The following ITGA3 variants were observed in gnomAD, a reference collection of about 807,000 sequenced individuals.
ITGA3 encodes integrin alpha-3.
In ITGA3, 70 loss-of-function variants were observed where a neutral mutation model predicts 131.1. That is an observed-to-expected ratio of 0.53 (90% confidence interval 0.44 to 0.65). The LOEUF (loss-of-function observed/expected upper bound fraction) is 0.65, where lower values mean the gene tolerates loss of function less well. ITGA3 is among the 30% of genes least tolerant of loss of function. ITGA3 has a pLI of 0.00. For missense variants in ITGA3, 1,098 were observed against 1,388.6 expected (o/e 0.79, Z 3.33); for synonymous variants, 537 against 571.6 (o/e 0.94, Z 0.86).
At chr17:50,069,688 A>T (rs535767755) in intron 4 of ITGA3, among the ~76,000 whole-genome samples, 1 of 151,184 alleles carries the variant, frequency 6.6e-6, no homozygotes. Context: ...AAATATCGCT[A>T]CTTTCTCTCT....
In ITGA3 at chr17:50,081,349, G is replaced by A. The variant is rs1356304232; in HGVS notation, c.2860G>A (p.Ala954Thr). ...TGACCGAGTCCGGGTAAATGGCTGG[G>A]CTACCCTATTCCTCCGAACCAGCAT... The part of the protein sequence containing the change: ...DFDRVRVNGW[A>T]TLFLRTSIPT... The change falls in exon 23 of 26, where the codon GCT becomes ACT. Residue 954 changes from alanine (A) to threonine (T), a missense_variant. By Grantham distance (58) the Ala-to-Thr change is moderately conservative. This residue lies in a region of ITGA3 where 699 missense variants were observed against 829.2 expected (regional missense o/e 0.84). Coordinates refer to ENST00000320031, the MANE Select transcript of ITGA3 (RefSeq NM_002204.4). 5 of 1,593,488 alleles carry A rather than the reference G, an allele frequency of 3.1e-6. No individual in the cohort carries two copies. The highest frequency in any genetic ancestry group is 3.5e-5 in the Admixed American group (2 of 57,464).
rs749885369 is a variant in ITGA3 at position 50,064,095 on chromosome 17, C to T, written c.225C>T (p.Pro75=). ...TCCCCAGGCTCCTGGCTGGTGCCCC[C>T]CGGGAGCTCGCTGTGCCCGATGGCT... ...QQRYLLLAGA[P]RELAVPDGYT... Residue 75 remains proline, a synonymous_variant, in exon 2 of 26, where the codon CCC becomes CCT. Transcript: ENST00000320031. The surrounding 1 kb of genome is among the most constrained non-coding windows in gnomAD (Gnocchi z 4.4). 31 of 1,612,670 alleles carry T rather than the reference C, an allele frequency of 1.9e-5. No individual in the cohort carries two copies. In the East Asian group the frequency reaches 4.7e-4, roughly 24 times the overall value.
At chr17:50,070,809 T>C (rs1262270182) in intron 4 of ITGA3, 35 bp from the exon 5 acceptor site, 3 of 1,433,024 alleles carry the variant, frequency 2.1e-6, no homozygotes, top group Non-Finnish European at 3.0e-6. Context: ...TGGTGACTTA[T>C]ACTCCCTACT....
chr17:50,069,928 G>A (rs574179415), intron 4 of ITGA3, among the ~76,000 whole-genome samples: 1 of 152,262 alleles, frequency 6.6e-6, no homozygotes, highest in African/African-American at 2.4e-5. Context: ...CTTTATTGTT[G>A]TAGAATCAGC....
At chr17:50,081,863 G>A (rs948832982) in intron 23 of ITGA3, among the ~76,000 whole-genome samples, 3 of 152,100 alleles carry the variant, frequency 2.0e-5, no homozygotes, top group African/African-American at 7.2e-5. Flanking sequence ...TGAGCTTCCC[G>A]CCACGGGCAA....
Position 50,064,517 on chromosome 17 carries a change from G to C in ITGA3, c.335-11G>C, listed in dbSNP as rs190709337. 1.2e-6 allele frequency: 2 copies of C among 1,608,474 alleles called. No homozygotes were observed. The highest frequency in any genetic ancestry group is 4.5e-5 in the East Asian group (2 of 44,768). ...AGGTGCTCTGATTCATGATCCTTCC[G>C]GTGCCCACAGATGACCCTGGCCATC... On this transcript the variant is annotated splice_polypyrimidine_tract_variant and intron_variant, in intron 2 of 25. Coordinates refer to ENST00000320031, the MANE Select transcript of ITGA3 (RefSeq NM_002204.4). This position sits in a 1 kb window ranked among gnomAD's most constrained non-coding sequence, Gnocchi z 4.4.
rs1350587381 is a variant in ITGA3, at chr17:50,076,953, G to A, written c.1923-21G>A. On this transcript the variant is annotated intron_variant, in intron 14 of 25. Coordinates refer to ENST00000320031, the MANE Select transcript of ITGA3 (RefSeq NM_002204.4). Reference sequence around the variant, plus strand: ...CCCTGGGGGCGGGGCTCTTGGCTGAGTCCTGGGCTCCTGCTCTCAGGCTCC... The same window carrying A: ...CCCTGGGGGCGGGGCTCTTGGCTGAATCCTGGGCTCCTGCTCTCAGGCTCC... 4 of 1,596,252 alleles carry A rather than the reference G, an allele frequency of 2.5e-6. No individual in the cohort carries two copies. In the South Asian group the frequency reaches 3.4e-5, roughly 13 times the overall value.
At chr17:50,080,465 T>TGG (rs974091606) in intron 22 of ITGA3, 90 bp downstream of exon 22, 8 of 45,526 alleles carry the variant, frequency 1.8e-4, no homozygotes, top group African/African-American at 9.8e-4. Flanking sequence ...ATAGCATGGG[T>TGG]GTGTGTGTGT....
At position 50,063,973 on chromosome 17, in the gene ITGA3, T is replaced by G. The variant is rs140180116; in HGVS notation, c.207-104T>G. ...TTCTGGAGGGCAGGAGCTGGGGGTC[T>G]CCTGGCACCAAGAATCTGTAAATGT... On this transcript the variant is annotated intron_variant, in intron 1 of 25. Coordinates refer to ENST00000320031, the MANE Select transcript of ITGA3 (RefSeq NM_002204.4). The G allele has an allele frequency of 4.1e-4, 603 of 1,474,260 alleles. 1 individual carries two copies. The highest frequency in any genetic ancestry group is 9.7e-4 in the Middle Eastern group (5 of 5,180). 91.3% of individuals were successfully genotyped at this position (1,474,260 alleles called of 1,614,324 possible). A position where few individuals can be genotyped will look rare whatever the true frequency, so the allele number is the denominator to read the frequency against.
chr17:50,066,561 G>T (rs1056218640), intron 3 of ITGA3, among the ~76,000 whole-genome samples: 2 of 152,124 alleles, frequency 1.3e-5, no homozygotes, highest in African/African-American at 4.8e-5. Flanking sequence ...GATCGTTTGA[G>T]CCTAGGAGTT....
intron 18 of ITGA3, 95 bp from the exon 19 acceptor site, chr17:50,078,729 G>A (rs1038246096): frequency 8.4e-6 from 6 of 716,342 alleles, no homozygotes; most frequent in African/African-American, 1.8e-5. Flanking sequence ...ACTGATGTCA[G>A]AGGGGCTATA....
intron 4 of ITGA3, 130 bp from the exon 5 acceptor site, chr17:50,070,714 T>C: frequency 2.4e-6 from 1 of 422,026 alleles, no homozygotes. Context: ...AATGGCAAAA[T>C]GCTCACCAAT....
At chr17:50,073,396 G>T (rs780539342) in intron 7 of ITGA3, among the ~76,000 whole-genome samples, 2 of 152,038 alleles carry the variant, frequency 1.3e-5, no homozygotes, top group Admixed American at 6.6e-5. Flanking sequence ...TCTATAAAGT[G>T]GGGGGATAAT....
intron 10 of ITGA3, 76 bp downstream of exon 10, chr17:50,074,610 C>A: frequency 1.0e-6 from 1 of 988,716 alleles, no homozygotes. Context: ...CAAACCCCTC[C>A]CCTGGCCTCC....
rs1471385733 is a variant in ITGA3, at chr17:50,074,020, G to A, written c.1245+16G>A. 1 of 1,595,256 alleles carries A rather than the reference G, an allele frequency of 6.3e-7. No individual in the cohort carries two copies. Among genetic ancestry groups the A allele is most frequent in the Non-Finnish European group, 8.6e-7 (1 of 1,162,966 alleles). On this transcript the variant is annotated intron_variant, in intron 8 of 25. Transcript: ENST00000320031. ...GCCCCAGCAGGTACAGAGAGACGGG[G>A]ATGGGTCTGCTGCCCCCACCAGCCG...
chr17:50,080,435 G>C (rs1032277988), intron 22 of ITGA3, 60 bp downstream of exon 22: 42 of 951,128 alleles, frequency 4.4e-5, no homozygotes, highest in Non-Finnish European at 6.7e-5. Flanking sequence ...GAACAACAGG[G>C]AGAGGGCGAG....
chr17:50,080,236 C>A, intron 21 of ITGA3, 26 bp from the exon 22 acceptor site: 1 of 1,347,730 alleles, frequency 7.4e-7, no homozygotes, highest in Non-Finnish European at 1.1e-6. Context: ...GACTATGTCA[C>A]GTCTTGCGTT....
rs1380901825 is a variant in ITGA3 at position 50,077,118 on chromosome 17, C to T, written c.2067C>T (p.Arg689=). 1 of 1,545,818 alleles carries T rather than the reference C, an allele frequency of 6.5e-7. No individual in the cohort carries two copies. Among genetic ancestry groups the T allele is most frequent in the Non-Finnish European group, 8.8e-7 (1 of 1,140,486 alleles). ...VPPALLLSSV[R]PPGACQANET... Reference sequence around the variant, plus strand: ...CCGCCCTGCTGCTGTCCTCAGTGCGCCCCGTGAGTGCCCGCCGGCCGGCTC... The same window carrying T: ...CCGCCCTGCTGCTGTCCTCAGTGCGTCCCGTGAGTGCCCGCCGGCCGGCTC... The change falls in exon 15 of 26, where the codon CGC becomes CGT. Residue 689 remains arginine, a synonymous_variant. Coordinates refer to ENST00000320031, the MANE Select transcript of ITGA3 (RefSeq NM_002204.4).
At position 50,056,605 on chromosome 17, in the gene ITGA3, G is replaced by A; in HGVS notation, c.166G>A (p.Val56Ile). 6.3e-7 allele frequency: 1 copy of A among 1,599,990 alleles called. No individual in the cohort carries two copies. The highest frequency in any genetic ancestry group is 8.5e-7 in the Non-Finnish European group (1 of 1,174,258). Residue 56 changes from valine to isoleucine, a missense_variant, in exon 1 of 26, where the codon GTC becomes ATC. This residue lies in a region of ITGA3 where 356 missense variants were observed against 529.2 expected (regional missense o/e 0.67). Coordinates refer to ENST00000320031, the MANE Select transcript of ITGA3 (RefSeq NM_002204.4). This position sits in a 1 kb window ranked among gnomAD's most constrained non-coding sequence, Gnocchi z 5.6. ...GNPGSLFGYS[V>I]ALHRQTERQQ... ...CCCGGGCAGCCTCTTCGGCTACTCG[G>A]TCGCCCTCCATCGGCAGACAGAGCG...
Sources: allele counts gnomAD v4.1 joint callset (sites outside exome capture counted in the v4.1 genomes callset), GRCh38; gene constraint gnomAD v4.1.1; regional missense constraint gnomAD v4.1.1; non-coding constraint Gnocchi (gnomAD v3.1); transcripts MANE v1.5; gene names NCBI Gene and HGNC (gene_info 2026-07-23, HGNC 2026-07-21).